The following ABCG2 variants were observed in gnomAD, a reference collection of about 807,000 sequenced individuals.
ABCG2 encodes the protein ATP binding cassette subfamily G member 2 (JR blood group).
Under a neutral mutation model 73.5 loss-of-function variants are expected in ABCG2, and 80 were observed. That is an observed-to-expected ratio of 1.09 (90% CI 0.91 to 1.31). The LOEUF is 1.31. Among genes scored for constraint, ABCG2 ranks in the 50% most tolerant of loss-of-function variants. The pLI is 0.00. For synonymous variants in ABCG2, 269 were observed against 282.4 expected (o/e 0.95, Z 0.48); for missense variants, 796 against 786.2 (o/e 1.01, Z -0.15).
At chr4:88,179,364 A>G (rs1728138484) in intron 1 of ABCG2, among the ~76,000 whole-genome samples, 1 of 152,168 alleles carries the variant, frequency 6.6e-6, no homozygotes, top group Admixed American at 6.5e-5. Flanking sequence ...CTCCTAATGA[A>G]GATGTGACTA....
intron 1 of ABCG2, among the ~76,000 whole-genome samples, chr4:88,196,049 C>T (rs1728931610): frequency 6.6e-6 from 1 of 152,182 alleles, no homozygotes; most frequent in Non-Finnish European, 1.5e-5. Context: ...CTGGCGCCAG[C>T]TGCAACCAAT....
chr4:88,148,963 A>G (rs1261742610), intron 1 of ABCG2, among the ~76,000 whole-genome samples: 1 of 152,240 alleles, frequency 6.6e-6, no homozygotes, highest in Admixed American at 6.5e-5. Context: ...TTGAATAGAA[A>G]CAAATGAACA....
chr4:88,114,973 T>A lies in ABCG2; in HGVS notation c.927A>T (p.Arg309Ser). Residue 309 changes from arginine to serine, a missense_variant, in exon 8 of 16, where the codon AGA (arginine) becomes AGT (serine). Physicochemically the swap from Arg to Ser is moderately radical, Grantham distance 110 (BLOSUM62 -1). Transcript: ENST00000237612. ...TTCATATACCTTTAAAGTCTTCTTC[T>A]CTGTTTAATGCCACAGCAGTGGAAT... ...NGDSTAVALN[R>S]EEDFKATEII... 1 of 1,611,326 alleles carries A rather than the reference T, an allele frequency of 6.2e-7. No individual in the cohort carries two copies. Among genetic ancestry groups the A allele is most frequent in the Non-Finnish European group, 8.5e-7 (1 of 1,178,020 alleles).
chr4:88,199,896 G>C (rs867074888), intron 1 of ABCG2, among the ~76,000 whole-genome samples: 13 of 152,150 alleles, frequency 8.5e-5, no homozygotes, highest in African/African-American at 2.7e-4. Flanking sequence ...AACTACTCCG[G>C]GAGGCTGAGG....
In ABCG2 at chr4:88,152,892, T is replaced by A. The variant is rs560828626; in HGVS notation, c.-20+5494A>T. ...CGTGGGAACCTAAAGTGGGAGAGAT[T>A]AAGCTGAAGGAAGATTTTGTGGTAA... On this transcript the variant is annotated intron_variant, in intron 1 of 15. Transcript: ENST00000237612. 5.9e-5 allele frequency among the ~76,000 whole-genome samples: 9 copies of A among 152,210 alleles called. No individual in the cohort carries two copies. In the East Asian group the frequency reaches 1.5e-3, roughly 26 times the overall value.
chr4:88,189,250 A>C lies in ABCG2; in HGVS notation c.-20+41744T>G, dbSNP rs371681697. On this transcript the variant is annotated intron_variant, in intron 1 of 15. Transcript: ENST00000515655. ...ATTGATTATTCATTGCTAGAGTATA[A>C]AATGCAACTAGGCCAGGTGCAATGA... is the stretch of plus-strand genomic sequence containing the variant. 1.6e-3 allele frequency among the ~76,000 whole-genome samples: 249 copies of C among 152,216 alleles called. 4 individuals are homozygous for C. The Middle Eastern group carries it at 0.034, about 21-fold the overall frequency.
chr4:88,138,863 T>A (rs1248611407), intron 2 of ABCG2, among the ~76,000 whole-genome samples: 1 of 151,858 alleles, frequency 6.6e-6, no homozygotes, highest in East Asian at 1.9e-4. Flanking sequence ...TAAAAAAAAA[T>A]GCGTGGCCTG....
chr4:88,183,933 G>A (rs562803931), intron 1 of ABCG2, among the ~76,000 whole-genome samples: 16 of 152,184 alleles, frequency 1.1e-4, no homozygotes, highest in South Asian at 8.3e-4. Flanking sequence ...AATGTCATAC[G>A]TCATATCAAT....
chr4:88,173,883 T>C (rs1210578792), intron 1 of ABCG2, among the ~76,000 whole-genome samples: 1 of 152,170 alleles, frequency 6.6e-6, no homozygotes, highest in African/African-American at 2.4e-5. Flanking sequence ...ATTTTTAATG[T>C]TTAAATTTTC....
intron 1 of ABCG2, among the ~76,000 whole-genome samples, chr4:88,185,472 G>C (rs1243678241): frequency 1.3e-5 from 2 of 152,110 alleles, no homozygotes; most frequent in Non-Finnish European, 2.9e-5. Flanking sequence ...CATGAGCACA[G>C]GCAACTAAAG....
At position 88,158,578 on chromosome 4, in the gene ABCG2, C is replaced by G; in HGVS notation, c.-212G>C. ...GCACGGTGCGTTCCTAAATCCTACC[C>G]AGTTCCTCCACAGGCTGCCTCCTTG... is the stretch of plus-strand genomic sequence containing the variant. On this transcript the variant is annotated 5_prime_UTR_variant, in exon 1 of 16. Transcript: ENST00000237612. 1 of 456,428 alleles carries G rather than the reference C, an allele frequency of 2.2e-6. No individual in the cohort carries two copies. Among genetic ancestry groups the G allele is most frequent in the Non-Finnish European group, 4.4e-6 (1 of 226,968 alleles). 28.3% of individuals were successfully genotyped at this position (456,428 alleles called of 1,614,324 possible).
At chr4:88,192,916 T>C (rs888963824) in intron 1 of ABCG2, among the ~76,000 whole-genome samples, 6 of 151,986 alleles carry the variant, frequency 3.9e-5, no homozygotes, top group Middle Eastern at 3.5e-3. Flanking sequence ...TTTTGCCATG[T>C]TGGCCAGGCT....
intron 4 of ABCG2, 54 bp from the exon 5 acceptor site, chr4:88,131,267 A>G (rs1724855470): frequency 6.4e-7 from 1 of 1,558,386 alleles, no homozygotes; most frequent in African/African-American, 1.4e-5. Context: ...CTTTTCTAAG[A>G]CCATGACTGT....
intron 9 of ABCG2, 89 bp from the exon 10 acceptor site, chr4:88,107,355 T>TG: frequency 1.1e-6 from 1 of 885,746 alleles, no homozygotes; most frequent in Non-Finnish European, 1.7e-6. Flanking sequence ...TAATATATGG[T>TG]TACATAATCA....
At chr4:88,117,496 G>C (rs1252369280) in intron 7 of ABCG2, among the ~76,000 whole-genome samples, 1 of 152,010 alleles carries the variant, frequency 6.6e-6, no homozygotes, top group Non-Finnish European at 1.5e-5. Flanking sequence ...AATTAGCCGG[G>C]CATGGTTGTG....
rs1161395082 is a variant in ABCG2, at chr4:88,118,155, C to T, written c.795G>A (p.Met265Ile). 4 of 1,614,100 alleles carry T rather than the reference C, an allele frequency of 2.5e-6. No individual in the cohort carries two copies. Among genetic ancestry groups the T allele is most frequent in the East Asian group, 2.2e-5 (1 of 44,870 alleles). ...SLTLLASGRL[M>I]FHGPAQEALG... is the part of the protein sequence containing the mutation. ...AGGCCTCCTGAGCAGGCCCGTGGAACATAAGTCTTCCTGAGGCCAATAAGG... is the reference window on the plus strand; with the variant it reads ...AGGCCTCCTGAGCAGGCCCGTGGAATATAAGTCTTCCTGAGGCCAATAAGG... The change falls in exon 7 of 16, where the codon ATG becomes ATA. Residue 265 changes from methionine (M) to isoleucine (I), a missense_variant. Physicochemically the swap from Met to Ile is conservative, Grantham distance 10. Transcript: ENST00000237612.
chr4:88,157,556 C>T (rs180751261), intron 1 of ABCG2, among the ~76,000 whole-genome samples: 1 of 152,166 alleles, frequency 6.6e-6, no homozygotes, highest in African/African-American at 2.4e-5. Context: ...AATTATTTCA[C>T]AATTAAAAGT....
chr4:88,231,498 G>A (rs537628800), upstream of ABCG2, among the ~76,000 whole-genome samples: 1 of 152,156 alleles, frequency 6.6e-6, no homozygotes, highest in South Asian at 2.1e-4. Flanking sequence ...TTTGTGCCGC[G>A]GAATTCTGAT....
intron 1 of ABCG2, among the ~76,000 whole-genome samples, chr4:88,189,637 G>A (rs886941325): frequency 9.2e-5 from 14 of 151,914 alleles, no homozygotes; most frequent in East Asian, 1.9e-4. Context: ...TCTAATTTTC[G>A]TGTGTGGAAT....
Sources: allele counts gnomAD v4.1 joint callset (sites outside exome capture counted in the v4.1 genomes callset), GRCh38; gene constraint gnomAD v4.1.1; transcripts MANE v1.5; gene names NCBI Gene and HGNC (gene_info 2026-07-23, HGNC 2026-07-21).